Variants in RBFOX1 observed in about 807,000 individuals in gnomAD.
RBFOX1 encodes the protein RNA binding protein fox-1 homolog 1.
In RBFOX1, 8 loss-of-function variants were observed where a neutral mutation model predicts 57.7. That is an observed-to-expected ratio of 0.14 (90% CI 0.08 to 0.25). The LOEUF is 0.25. RBFOX1 is among the 10% of genes least tolerant of loss of function. RBFOX1 has a pLI of 1.00. For synonymous variants in RBFOX1, 326 were observed against 222.4 expected (o/e 1.47, Z -4.15); for missense variants, 611 against 548.5 (o/e 1.11, Z -1.14).
In RBFOX1 at chr16:5,434,398, T is replaced by C. The variant is rs370812503; in HGVS notation, c.220-32818T>C. Among the ~76,000 whole-genome samples, 8 of 146,130 alleles carry C rather than the reference T, an allele frequency of 5.5e-5. No individual in the cohort carries two copies. In the East Asian group the frequency reaches 1.3e-3, roughly 23 times the overall value. On this transcript the variant is annotated intron_variant, in intron 1 of 2. Transcript: ENST00000585867. ...GTGCAGTGGCATGATCTTGACTCAC[T>C]GCAACCTCCACCTCCCAAGTTCAAG...
intron 3 of RBFOX1, among the ~76,000 whole-genome samples, chr16:6,689,649 C>G (rs2059931329): frequency 6.6e-6 from 1 of 152,082 alleles, no homozygotes; most frequent in Admixed American, 6.6e-5. Context: ...AGACATATTC[C>G]TTGGGGACAG....
At chr16:5,276,970 G>A (rs11076903) in intron 1 of RBFOX1, among the ~76,000 whole-genome samples, 20,658 of 152,092 alleles carry the variant, frequency 0.14, 1,702 homozygotes, top group East Asian at 0.26. Context: ...GGAAGTCATC[G>A]TATGAAAAAG....
At chr16:7,190,135 C>T (rs1216245927) in intron 4 of RBFOX1, among the ~76,000 whole-genome samples, 5 of 152,096 alleles carry the variant, frequency 3.3e-5, no homozygotes, top group African/African-American at 9.7e-5. Context: ...CCAAGGCGGG[C>T]AGATTGTTCT....
At chr16:5,387,552 T>C (rs967753460) in intron 1 of RBFOX1, among the ~76,000 whole-genome samples, 1 of 152,202 alleles carries the variant, frequency 6.6e-6, no homozygotes, top group South Asian at 2.1e-4. Context: ...TTAAAGGGAA[T>C]TCCTGATATT....
intron 1 of RBFOX1, among the ~76,000 whole-genome samples, chr16:6,259,954 G>A (rs1483398996): frequency 2.1e-5 from 3 of 140,140 alleles, no homozygotes; most frequent in African/African-American, 8.1e-5. Flanking sequence ...GAGTGAGACT[G>A]TCTCAAAAAA....
At chr16:7,161,712 C>T (rs2078362957) in intron 4 of RBFOX1, among the ~76,000 whole-genome samples, 1 of 152,168 alleles carries the variant, frequency 6.6e-6, no homozygotes, top group South Asian at 2.1e-4. Flanking sequence ...TTCTGTCCTT[C>T]ATTTGAGCAG....
chr16:6,726,770 C>G (rs1342434041), intron 3 of RBFOX1, among the ~76,000 whole-genome samples: 1 of 152,082 alleles, frequency 6.6e-6, no homozygotes, highest in Non-Finnish European at 1.5e-5. Flanking sequence ...ATATCATTAA[C>G]TTACGTAATT....
chr16:6,990,569 C>G (rs1450760072), intron 3 of RBFOX1, among the ~76,000 whole-genome samples: 9 of 152,186 alleles, frequency 5.9e-5, no homozygotes, highest in Non-Finnish European at 1.2e-4. Flanking sequence ...AAGGATGATA[C>G]TGTGTCCCAT....
In RBFOX1 at chr16:6,508,452, G is replaced by T. The variant is rs541710704; in HGVS notation, c.-63-146151G>T. On this transcript the variant is annotated intron_variant, in intron 2 of 15. Transcript: ENST00000550418. ...AGATTATGTGGGTTTTTTAACCACAGTAAAAAAAAATTCAAAAAACCAAAA... is the reference window on the plus strand; with the variant it reads ...AGATTATGTGGGTTTTTTAACCACATTAAAAAAAAATTCAAAAAACCAAAA... Among the ~76,000 whole-genome samples the T allele has an allele frequency of 4.6e-5, 7 of 152,020 alleles. 1 individual carries two copies. In the South Asian group the frequency reaches 1.5e-3, roughly 32 times the overall value.
At chr16:7,389,775 C>G (rs1254046376) in intron 4 of RBFOX1, among the ~76,000 whole-genome samples, 2 of 152,070 alleles carry the variant, frequency 1.3e-5, no homozygotes, top group African/African-American at 4.8e-5. Context: ...GTTAAAATTT[C>G]TTGAGTATAT....
chr16:6,794,007 T>C (rs74007050), intron 3 of RBFOX1, among the ~76,000 whole-genome samples: 4,460 of 152,192 alleles, frequency 0.029, 202 homozygotes, highest in African/African-American at 0.095. Flanking sequence ...CGGATTGCTT[T>C]ATTGGTTAGG....
chr16:6,317,145 T>A lies in RBFOX1; in HGVS notation c.-64+88T>A, dbSNP rs935161782. On this transcript the variant is annotated intron_variant, in intron 2 of 15. Coordinates refer to ENST00000550418, the MANE Select transcript of RBFOX1 (RefSeq NM_018723.4). The stretch of plus-strand genomic sequence containing the variant: ...CTCTGAAAAGCTCTTTTCTGCAGGT[T>A]TGAAGTTGTTACAAAAACTTTGCTG... 1.5e-5 allele frequency: 19 copies of A among 1,303,804 alleles called. 1 individual carries two copies. Among genetic ancestry groups the A allele is most frequent in the Non-Finnish European group, 1.7e-5 (16 of 945,688 alleles). The allele number at this position is 1,303,804 out of a possible 1,614,324, so 80.8% of individuals were successfully genotyped here.
intron 4 of RBFOX1, among the ~76,000 whole-genome samples, chr16:7,484,829 A>G (rs1276191054): frequency 6.6e-6 from 1 of 152,144 alleles, no homozygotes. Context: ...TAGCATGGAT[A>G]TCCTCTGGGC....
intron 1 of RBFOX1, among the ~76,000 whole-genome samples, chr16:6,278,781 G>A (rs1481163028): frequency 2.6e-5 from 4 of 151,916 alleles, no homozygotes; most frequent in Admixed American, 6.6e-5. Flanking sequence ...CAGAGAAAAT[G>A]GAAATAAAAT....
At chr16:7,294,287 C>G (rs1251800697) in intron 4 of RBFOX1, among the ~76,000 whole-genome samples, 1 of 152,102 alleles carries the variant, frequency 6.6e-6, no homozygotes, top group East Asian at 1.9e-4. Flanking sequence ...CAGACTCCCA[C>G]CCTCTCAACT....
At chr16:7,489,230 T>G (rs1041043744) in intron 4 of RBFOX1, among the ~76,000 whole-genome samples, 3 of 152,186 alleles carry the variant, frequency 2.0e-5, no homozygotes, top group Admixed American at 6.5e-5. Flanking sequence ...AACTGATACC[T>G]TTTTTTAAAT....
chr16:6,924,053 C>A (rs942570830), intron 3 of RBFOX1, among the ~76,000 whole-genome samples: 1 of 151,742 alleles, frequency 6.6e-6, no homozygotes, highest in African/African-American at 2.4e-5. Context: ...ACCTGTAGTC[C>A]CAGCTTCTCG....
chr16:7,105,409 G>T (rs375185064), intron 4 of RBFOX1, among the ~76,000 whole-genome samples: 11 of 151,676 alleles, frequency 7.3e-5, no homozygotes, highest in East Asian at 5.8e-4. Flanking sequence ...TGATTTGTGA[G>T]ATTTTGGTAC....
intron 3 of RBFOX1, among the ~76,000 whole-genome samples, chr16:6,861,823 G>GTTT (rs35138717): frequency 0.089 from 8,160 of 92,024 alleles, 176 homozygotes; most frequent in African/African-American, 0.16. Context: ...GCGTCCCTTG[G>GTTT]TTTTTTTTTT....
Sources: gnomAD v4.1 joint callset for allele counts (sites outside exome capture counted in the v4.1 genomes callset) on GRCh38, gnomAD v4.1.1 for gene constraint, MANE v1.5 for transcripts, NCBI Gene and HGNC (gene_info 2026-07-23, HGNC 2026-07-21) for gene names.